Variants in CNTNAP2 observed in about 807,000 individuals in gnomAD.
CNTNAP2 encodes the protein contactin associated protein 2.
CNTNAP2 carries 98 observed loss-of-function variants against 155.2 expected under a neutral mutation model. The observed-to-expected ratio is 0.63, with a 90% confidence interval of 0.54 to 0.75. The LOEUF (loss-of-function observed/expected upper bound fraction) is 0.75. Among genes scored for constraint, CNTNAP2 ranks in the 30% least tolerant of loss-of-function variants. The pLI is 0.00. For synonymous variants in CNTNAP2, 651 were observed against 631.2 expected (o/e 1.03, Z -0.47); for missense variants, 1,727 against 1,688.1 (o/e 1.02, Z -0.40).
At position 147,437,069 on chromosome 7, in the gene CNTNAP2, C is replaced by T. The variant is rs933311191; in HGVS notation, c.1670+41289C>T. Among the ~76,000 whole-genome samples the T allele has an allele frequency of 6.6e-5, 10 of 151,814 alleles. No individual in the cohort carries two copies. In the East Asian group the frequency reaches 1.8e-3, roughly 27 times the overall value. On this transcript the variant is annotated intron_variant, in intron 10 of 23. Coordinates refer to ENST00000361727, the MANE Select transcript of CNTNAP2 (RefSeq NM_014141.6). ...AGTCCAGCTGAGGGAACTGCTAAGG[C>T]CATCTTGGTCTCGGTGAACACTTGG...
intron 9 of CNTNAP2, among the ~76,000 whole-genome samples, chr7:147,313,456 G>A (rs1274551822): frequency 2.6e-5 from 4 of 151,052 alleles, no homozygotes; most frequent in South Asian, 2.1e-4. Flanking sequence ...GTAAGGAAGG[G>A]ATCCAGTTTC....
intron 11 of CNTNAP2, among the ~76,000 whole-genome samples, chr7:147,544,921 C>T (rs1005823197): frequency 6.6e-6 from 1 of 152,054 alleles, no homozygotes; most frequent in African/African-American, 2.4e-5. Flanking sequence ...CCTCCCTAGC[C>T]ATGTGGAACT....
At chr7:147,035,794 T>C (rs1475936424) in intron 3 of CNTNAP2, among the ~76,000 whole-genome samples, 1 of 152,154 alleles carries the variant, frequency 6.6e-6, no homozygotes, top group East Asian at 1.9e-4. Flanking sequence ...AGGATTTAGT[T>C]AGGAATAAAT....
At position 146,930,302 on chromosome 7, in the gene CNTNAP2, G is replaced by T. The variant is rs771881084; in HGVS notation, c.402+90398G>T. On this transcript the variant is annotated intron_variant, in intron 3 of 23. Coordinates refer to ENST00000361727, the MANE Select transcript of CNTNAP2 (RefSeq NM_014141.6). ...CAATATGCAACATTCATAAAGAAAA[G>T]AATTTTCAACCCAGAATTTCATATC... is the stretch of plus-strand genomic sequence containing the variant. 1.1e-4 allele frequency among the ~76,000 whole-genome samples: 16 copies of T among 152,182 alleles called. No individual in the cohort carries two copies. In the East Asian group the frequency reaches 2.3e-3, roughly 22 times the overall value.
At chr7:147,410,080 C>T (rs1415976731) in intron 10 of CNTNAP2, among the ~76,000 whole-genome samples, 1 of 152,178 alleles carries the variant, frequency 6.6e-6, no homozygotes, top group African/African-American at 2.4e-5. Context: ...ATAAATCATT[C>T]TATTAGAAAG....
intron 8 of CNTNAP2, among the ~76,000 whole-genome samples, chr7:147,172,055 T>A (rs1297336265): frequency 6.6e-6 from 1 of 152,192 alleles, no homozygotes; most frequent in Non-Finnish European, 1.5e-5. Flanking sequence ...CTGGATATGA[T>A]CTTCACTAAT....
chr7:148,000,784 T>A (rs1318753640), intron 15 of CNTNAP2, among the ~76,000 whole-genome samples: 1 of 152,200 alleles, frequency 6.6e-6, no homozygotes, highest in Non-Finnish European at 1.5e-5. Flanking sequence ...GTTTTCTAGG[T>A]CTGCCTTAGC....
chr7:147,683,082 A>G (rs192189449), intron 13 of CNTNAP2, among the ~76,000 whole-genome samples: 149 of 152,056 alleles, frequency 9.8e-4, no homozygotes, highest in African/African-American at 3.5e-3. Context: ...AATTAATTCA[A>G]CTGAGTGGAC....
At chr7:147,520,297 T>C (rs2116705435) in intron 11 of CNTNAP2, among the ~76,000 whole-genome samples, 1 of 152,228 alleles carries the variant, frequency 6.6e-6, no homozygotes, top group South Asian at 2.1e-4. Flanking sequence ...AAATAGAGAA[T>C]CTACAGGAAT....
intron 1 of CNTNAP2, among the ~76,000 whole-genome samples, chr7:146,331,081 G>T (rs1357290430): frequency 1.3e-5 from 2 of 152,004 alleles, no homozygotes; most frequent in Non-Finnish European, 2.9e-5. Context: ...GAGTCGGGCG[G>T]ATCACGAGGT....
chr7:147,001,521 A>G (rs1798422057), intron 3 of CNTNAP2, among the ~76,000 whole-genome samples: 1 of 152,096 alleles, frequency 6.6e-6, no homozygotes, highest in African/African-American at 2.4e-5. Flanking sequence ...TGGCTTACCT[A>G]TAAAGAAGGC....
At chr7:147,033,160 GTA>G (rs3081742) in intron 3 of CNTNAP2, among the ~76,000 whole-genome samples, 3,983 of 89,552 alleles carry the variant, frequency 0.044, 76 homozygotes, top group Middle Eastern at 0.055. Context: ...ATATATATAT[GTA>G]TATATATATA....
At chr7:147,979,430 G>A (rs1216787687) in intron 15 of CNTNAP2, among the ~76,000 whole-genome samples, 2 of 152,172 alleles carry the variant, frequency 1.3e-5, no homozygotes. Flanking sequence ...GTCATGTGTT[G>A]TCTAATGAAA....
chr7:147,208,110 C>A (rs950342324), intron 8 of CNTNAP2, among the ~76,000 whole-genome samples: 3 of 151,966 alleles, frequency 2.0e-5, no homozygotes, highest in African/African-American at 7.3e-5. Context: ...AGAGTTTATA[C>A]CCTATTTCTA....
At chr7:147,079,492 C>T (rs1800071014) in intron 4 of CNTNAP2, among the ~76,000 whole-genome samples, 1 of 151,468 alleles carries the variant, frequency 6.6e-6, no homozygotes, top group Admixed American at 6.6e-5. Context: ...ATACCTAATG[C>T]TAAATGACAA....
chr7:147,673,816 A>G (rs1261329053), intron 13 of CNTNAP2, among the ~76,000 whole-genome samples: 1 of 152,180 alleles, frequency 6.6e-6, no homozygotes, highest in Non-Finnish European at 1.5e-5. Flanking sequence ...AAAATCAGAG[A>G]AAGTTTTCTG....
At chr7:146,927,528 G>A (rs1379503148) in intron 3 of CNTNAP2, among the ~76,000 whole-genome samples, 2 of 146,962 alleles carry the variant, frequency 1.4e-5, no homozygotes, top group African/African-American at 5.4e-5. Flanking sequence ...ATCTTTTTGT[G>A]TAAATACAAT....
At chr7:146,632,574 C>T (rs1014404196) in intron 1 of CNTNAP2, among the ~76,000 whole-genome samples, 1 of 151,710 alleles carries the variant, frequency 6.6e-6, no homozygotes, top group Admixed American at 6.6e-5. Context: ...GTTAATTATT[C>T]AAAAATCAAC....
chr7:147,419,784 C>T (rs1797258552), intron 10 of CNTNAP2, among the ~76,000 whole-genome samples: 1 of 152,238 alleles, frequency 6.6e-6, no homozygotes, highest in Middle Eastern at 3.4e-3. Context: ...GATCTGGTCC[C>T]AGATTTGATC....
Sources: gnomAD v4.1 joint callset for allele counts (sites outside exome capture counted in the v4.1 genomes callset) on GRCh38, gnomAD v4.1.1 for gene constraint, MANE v1.5 for transcripts, NCBI Gene and HGNC (gene_info 2026-07-23, HGNC 2026-07-21) for gene names.